Variants in SLC6A15 observed in about 807,000 individuals in gnomAD.
SLC6A15 encodes the protein solute carrier family 6 member 15.
A neutral mutation model predicts 68.5 loss-of-function variants in SLC6A15; 33 were observed. That is an observed-to-expected ratio of 0.48 (90% CI 0.37 to 0.64). The LOEUF is 0.64. Among genes scored for constraint, SLC6A15 ranks in the 30% least tolerant of loss-of-function variants. The pLI, the probability that SLC6A15 is intolerant of heterozygous loss-of-function variation, is 0.00. For synonymous variants in SLC6A15, 347 were observed against 301.0 expected (o/e 1.15, Z -1.58); for missense variants, 747 against 874.3 (o/e 0.85, Z 1.84).
chr12:84,882,176 T>C (rs1871850389), intron 5 of SLC6A15: 1 of 985,246 alleles, frequency 1.0e-6, no homozygotes, highest in Non-Finnish European at 1.2e-6. Context: ...CAAGAGTTTT[T>C]GAGCTTCTCT....
rs529802443 is a variant in SLC6A15 at position 84,879,271 on chromosome 12, G to A, written c.757-2664C>T. Among the ~76,000 whole-genome samples, 48 of 151,844 alleles carry A rather than the reference G, an allele frequency of 3.2e-4. 1 individual carries two copies. The highest frequency in any genetic ancestry group is 5.3e-4 in the Non-Finnish European group (36 of 67,820). On this transcript the variant is annotated intron_variant, in intron 5 of 11. Transcript: ENST00000266682. ...CCCTACTCCAAAATTTACATCCCCC[G>A]TGAAGCCTTCTTGCAAATCCAGTTT...
chr12:84,883,883 G>C lies in SLC6A15; in HGVS notation c.732C>G (p.Ile244Met), dbSNP rs775762149. The stretch of plus-strand genomic sequence containing the variant: ...CTTTTCCAGAAGACTGAATGCCTTT[G>C]ATCATAGCCAAGCAAACCATGACCC... ...AAWVMVCLAM[I>M]KGIQSSGKII... The change falls in exon 5 of 12, where the codon ATC becomes ATG. Residue 244 changes from isoleucine to methionine, a missense_variant. Coordinates refer to ENST00000266682, the MANE Select transcript of SLC6A15 (RefSeq NM_182767.6). 2 of 1,614,034 alleles carry C rather than the reference G, an allele frequency of 1.2e-6. No homozygotes were observed. Among genetic ancestry groups the C allele is most frequent in the Non-Finnish European group, 1.7e-6 (2 of 1,179,968 alleles).
At chr12:84,894,985 C>T (rs1245985589) in intron 1 of SLC6A15, among the ~76,000 whole-genome samples, 1 of 151,928 alleles carries the variant, frequency 6.6e-6, no homozygotes, top group South Asian at 2.1e-4. Flanking sequence ...GCATTAAAAG[C>T]TCCTTTTCTC....
chr12:84,882,542 G>T (rs1354341099), intron 5 of SLC6A15: 16 of 799,276 alleles, frequency 2.0e-5, no homozygotes, highest in Non-Finnish European at 2.3e-5. Flanking sequence ...AAGCAAAGAT[G>T]AATTAGACAG....
intron 10 of SLC6A15, among the ~76,000 whole-genome samples, chr12:84,866,430 T>A (rs1871068893): frequency 6.6e-6 from 1 of 152,152 alleles, no homozygotes. Flanking sequence ...TATAGTGAAT[T>A]TAAGTAATGA....
chr12:84,886,798 G>C (rs1215292190), intron 2 of SLC6A15, among the ~76,000 whole-genome samples: 1 of 151,986 alleles, frequency 6.6e-6, no homozygotes, highest in Non-Finnish European at 1.5e-5. Flanking sequence ...ATTTTAAAAA[G>C]TATTTTTTAG....
At chr12:84,891,694 C>A (rs1324471541) in intron 2 of SLC6A15, 138 bp downstream of exon 2, 3 of 907,668 alleles carry the variant, frequency 3.3e-6, no homozygotes, top group Non-Finnish European at 4.9e-6. Flanking sequence ...GCTCACTTCC[C>A]ACAAAGAAGT....
rs1044470247 is a variant in SLC6A15, at chr12:84,872,468, GCCCAGGAGCTT to G, written c.1302+123_1302+133del. On this transcript the variant is annotated intron_variant, in intron 8 of 11. Coordinates refer to ENST00000266682, the MANE Select transcript of SLC6A15 (RefSeq NM_182767.6). The stretch of plus-strand genomic sequence containing the variant: ...ATGTAAATTCTGAAGGACTTATAAT[GCCCAGGAGCTT>G]CTCCGGGCATTTTAAGAGCTTCTTC... The G allele has an allele frequency of 9.1e-5, 51 of 558,072 alleles. No homozygotes were observed. The African/African-American group carries it at 9.2e-4, about 10-fold the overall frequency. The allele number at this position is 558,072 out of a possible 1,614,324, so 34.6% of individuals were successfully genotyped here.
chr12:84,899,322 GA>G (rs974296244), intron 1 of SLC6A15, among the ~76,000 whole-genome samples: 3 of 150,328 alleles, frequency 2.0e-5, no homozygotes, highest in East Asian at 1.9e-4. Flanking sequence ...GCGTAGAAAG[GA>G]AAAAAAAATA....
chr12:84,868,214 C>T (rs1024581927), intron 9 of SLC6A15, among the ~76,000 whole-genome samples: 41 of 152,126 alleles, frequency 2.7e-4, no homozygotes, highest in Admixed American at 6.5e-4. Flanking sequence ...AAATGAATGT[C>T]ATATGTAAAC....
At chr12:84,862,242 A>G (rs542030278) in intron 11 of SLC6A15, among the ~76,000 whole-genome samples, 1 of 152,246 alleles carries the variant, frequency 6.6e-6, no homozygotes, top group Admixed American at 6.6e-5. Context: ...TGGAAACGTT[A>G]TAAGTGAAAG....
At chr12:84,872,977 C>G (rs753283013) in intron 7 of SLC6A15, 110 bp downstream of exon 7, 1 of 1,346,818 alleles carries the variant, frequency 7.4e-7, no homozygotes, top group Non-Finnish European at 1.0e-6. Flanking sequence ...ATGTTTGTGT[C>G]GAACTATCAC....
chr12:84,885,473 C>A lies in SLC6A15; in HGVS notation c.536G>T (p.Trp179Leu). 1 of 1,613,424 alleles carries A rather than the reference C, an allele frequency of 6.2e-7. No homozygotes were observed. The highest frequency in any genetic ancestry group is 8.5e-7 in the Non-Finnish European group (1 of 1,179,620). The change falls in exon 4 of 12, where the codon TGG (tryptophan) becomes TTG (leucine). Residue 179 changes from tryptophan (W) to leucine (L), a missense_variant. Trp to Leu is a moderately conservative substitution (Grantham distance 61). Transcript: ENST00000266682. ...FSQSFQQPLPWDQCPLVKNAS... is the reference protein window; with the variant it reads ...FSQSFQQPLPLDQCPLVKNAS... ...ATTTTTCACCAAAGGACACTGATCC[C>A]AAGGCAGGGGTTGCTGAAAAGACTG...
rs1015397706 is a variant in SLC6A15 at position 84,871,960 on chromosome 12, G to A, written c.1302+642C>T. ...GAGGTCAAGTGTTCGAGACCAGCCT[G>A]GCCAAAATGGTGAACCGCCTTCTCC... On this transcript the variant is annotated intron_variant, in intron 8 of 11. Transcript: ENST00000266682. 9.2e-5 allele frequency among the ~76,000 whole-genome samples: 14 copies of A among 152,024 alleles called. 1 individual carries two copies. Among genetic ancestry groups the A allele is most frequent in the Admixed American group, 5.9e-4 (9 of 15,256 alleles).
chr12:84,883,194 A>T (rs1871908921), intron 5 of SLC6A15: 3 of 984,414 alleles, frequency 3.0e-6, no homozygotes. Flanking sequence ...AATAGTGAAT[A>T]GCAATTACTT....
intron 1 of SLC6A15, among the ~76,000 whole-genome samples, chr12:84,905,582 T>A (rs1873104009): frequency 6.6e-6 from 1 of 152,154 alleles, no homozygotes; most frequent in Non-Finnish European, 1.5e-5. Flanking sequence ...GAAAATACAG[T>A]CAGCCCTTAG....
intron 1 of SLC6A15, among the ~76,000 whole-genome samples, chr12:84,904,224 G>GGAGA (rs370457657): frequency 0.022 from 2,646 of 121,980 alleles, 73 homozygotes; most frequent in South Asian, 0.11. Context: ...GGGCGGAGGG[G>GGAGA]GAGAGAGAGA....
intron 1 of SLC6A15, among the ~76,000 whole-genome samples, chr12:84,910,891 C>T (rs1243579292): frequency 1.3e-5 from 2 of 151,854 alleles, no homozygotes; most frequent in African/African-American, 4.9e-5. Flanking sequence ...TTATGCTGGA[C>T]AGAAAGCCTG....
chr12:84,872,073 C>T (rs904462511), intron 8 of SLC6A15, among the ~76,000 whole-genome samples: 5 of 151,398 alleles, frequency 3.3e-5, no homozygotes, highest in Non-Finnish European at 7.4e-5. Flanking sequence ...AGGAGAATTG[C>T]TTGAACCTGG....
Sources: gnomAD v4.1 joint callset for allele counts (sites outside exome capture counted in the v4.1 genomes callset) on GRCh38, gnomAD v4.1.1 for gene constraint, MANE v1.5 for transcripts, NCBI Gene and HGNC (gene_info 2026-07-23, HGNC 2026-07-21) for gene names.